Variants in MACROD2 observed in about 807,000 individuals in gnomAD.
MACROD2 encodes mono-ADP ribosylhydrolase 2.
Under a neutral mutation model 70.4 loss-of-function variants are expected in MACROD2, and 36 were observed. That is an observed-to-expected ratio of 0.51 (90% CI 0.39 to 0.68). The LOEUF is 0.68. Among genes scored for constraint, MACROD2 ranks in the 30% least tolerant of loss-of-function variants. The pLI is 0.00. For synonymous variants in MACROD2, 172 were observed against 178.8 expected, an observed-to-expected ratio of 0.96 and a Z score of 0.30; for missense variants, 496 against 538.4, an observed-to-expected ratio of 0.92 and a Z score of 0.78.
chr20:14,525,309 T>G (rs2085218842), intron 4 of MACROD2, among the ~76,000 whole-genome samples: 1 of 152,220 alleles, frequency 6.6e-6, no homozygotes, highest in Non-Finnish European at 1.5e-5. Flanking sequence ...TTTTGCTAGT[T>G]CTCATTTGAA....
At chr20:15,950,330 C>G (rs756753061) in intron 12 of MACROD2, among the ~76,000 whole-genome samples, 14 of 152,132 alleles carry the variant, frequency 9.2e-5, no homozygotes, top group Non-Finnish European at 2.1e-4. Context: ...GGACTGTACT[C>G]AGGGCAGGTG....
intron 5 of MACROD2, among the ~76,000 whole-genome samples, chr20:14,871,717 C>T (rs1390077296): frequency 6.6e-6 from 1 of 152,010 alleles, no homozygotes; most frequent in Non-Finnish European, 1.5e-5. Flanking sequence ...AATGAAAAGC[C>T]ACAGAGTGTC....
At chr20:14,250,257 T>C (rs188313004) in intron 3 of MACROD2, among the ~76,000 whole-genome samples, 16 of 152,274 alleles carry the variant, frequency 1.1e-4, no homozygotes, top group Admixed American at 7.8e-4. Context: ...AAAGGAACTA[T>C]GTAAATAATT....
At chr20:15,272,944 GA>G (rs1392779882) in intron 6 of MACROD2, among the ~76,000 whole-genome samples, 2 of 152,182 alleles carry the variant, frequency 1.3e-5, no homozygotes, top group Admixed American at 1.3e-4. Context: ...TTGGCAGGAA[GA>G]ATTACGTTTG....
Position 14,684,921 on chromosome 20 carries a change from A to G in MACROD2, c.380A>G (p.His127Arg), listed in dbSNP as rs750520563. The change falls in exon 5 of 18, where the codon CAT becomes CGT. Residue 127 changes from histidine to arginine, a missense_variant. Coordinates refer to ENST00000684519, the MANE Select transcript of MACROD2 (RefSeq NM_001351661.2). ...CRNLNGCDTG[H>R]AKITCGYDLP... is the part of the protein sequence containing the mutation. ...AACCTGAATGGCTGTGATACTGGAC[A>G]TGCAAAAATCACATGTGGCTATGAC... The G allele has an allele frequency of 3.1e-6, 5 of 1,614,026 alleles. No homozygotes were observed. The highest frequency in any genetic ancestry group is 4.2e-6 in the Non-Finnish European group (5 of 1,179,918).
chr20:14,287,179 T>C (rs1340459426), intron 3 of MACROD2, among the ~76,000 whole-genome samples: 1 of 152,148 alleles, frequency 6.6e-6, no homozygotes, highest in African/African-American at 2.4e-5. Flanking sequence ...AGGCAAATTC[T>C]TAGAATGGAG....
At chr20:15,442,533 C>T (rs983930647) in intron 7 of MACROD2, among the ~76,000 whole-genome samples, 1 of 152,060 alleles carries the variant, frequency 6.6e-6, no homozygotes, top group African/African-American at 2.4e-5. Context: ...GGCAAGCACA[C>T]CCTCTGTCTA....
chr20:14,030,478 G>A (rs115978868), intron 2 of MACROD2, among the ~76,000 whole-genome samples: 1 of 151,804 alleles, frequency 6.6e-6, no homozygotes. Flanking sequence ...GCGTGATTTC[G>A]GCTAGCTGCA....
At chr20:14,823,172 G>A (rs368745600) in intron 5 of MACROD2, among the ~76,000 whole-genome samples, 192 of 152,032 alleles carry the variant, frequency 1.3e-3, no homozygotes, top group African/African-American at 4.4e-3. Context: ...TGGGATTCTA[G>A]GTCGTGTATA....
chr20:15,262,953 T>C (rs1464902186), intron 6 of MACROD2, among the ~76,000 whole-genome samples: 4 of 152,168 alleles, frequency 2.6e-5, no homozygotes, highest in Admixed American at 6.5e-5. Context: ...CTTTGTCAGA[T>C]GGATAGCTTG....
chr20:15,944,174 G>C lies in MACROD2; in HGVS notation c.907+6630G>C, dbSNP rs1270867261. Among the ~76,000 whole-genome samples the C allele has an allele frequency of 2.6e-5, 4 of 152,218 alleles. No homozygotes were observed. The South Asian group carries it at 8.3e-4, about 32-fold the overall frequency. ...AAATCTTTGTGCATATCTATGATCA[G>C]TTCCTCAGGACAAATTCCTGGATTT... On this transcript the variant is annotated intron_variant, in intron 12 of 17. Transcript: ENST00000684519.
chr20:15,035,713 G>A (rs2075307581), intron 5 of MACROD2, among the ~76,000 whole-genome samples: 1 of 152,100 alleles, frequency 6.6e-6, no homozygotes, highest in Admixed American at 6.5e-5. Context: ...GGAAGATGTG[G>A]GCAGTTCATT....
Position 15,049,675 on chromosome 20 carries a change from C to T in MACROD2, c.419-180265C>T, listed in dbSNP as rs552852973. Among the ~76,000 whole-genome samples, 15 of 152,170 alleles carry T rather than the reference C, an allele frequency of 9.9e-5. No individual in the cohort carries two copies. The East Asian group carries it at 1.5e-3, about 16-fold the overall frequency. On this transcript the variant is annotated intron_variant, in intron 5 of 17. Transcript: ENST00000684519. ...AAGAATATAGCTACATGACCGGGTG[C>T]GTTGGCTCATGCCTGTAATCCCAGC...
intron 5 of MACROD2, among the ~76,000 whole-genome samples, chr20:15,147,531 ATCTC>A (rs11468117): frequency 0.59 from 88,965 of 151,044 alleles, 26,295 homozygotes; most frequent in East Asian, 0.65. Flanking sequence ...CTTTCTAGCA[ATCTC>A]TCTCTCTATG....
intron 7 of MACROD2, among the ~76,000 whole-genome samples, chr20:15,451,442 AAG>A (rs1221680856): frequency 6.7e-5 from 10 of 150,054 alleles, no homozygotes; most frequent in Admixed American, 3.3e-4. Context: ...AAAAAAAAAA[AAG>A]AGTCACCTTT....
intron 10 of MACROD2, among the ~76,000 whole-genome samples, chr20:15,921,233 C>T (rs111380864): frequency 0.013 from 2,055 of 152,284 alleles, 46 homozygotes; most frequent in African/African-American, 0.046. Context: ...TTGTCTGCTC[C>T]AGCCGTACTA....
chr20:15,385,553 T>C (rs1300539292), intron 6 of MACROD2, among the ~76,000 whole-genome samples: 1 of 152,198 alleles, frequency 6.6e-6, no homozygotes, highest in Admixed American at 6.5e-5. Flanking sequence ...CTACGTGTTC[T>C]TGACGTTAGT....
At chr20:14,674,362 C>T (rs2070832985) in intron 4 of MACROD2, among the ~76,000 whole-genome samples, 1 of 152,124 alleles carries the variant, frequency 6.6e-6, no homozygotes, top group African/African-American at 2.4e-5. Flanking sequence ...CTAATGAATT[C>T]TTCCTTTCAA....
Position 15,873,978 on chromosome 20 carries a change from A to G in MACROD2, c.727+11152A>G, listed in dbSNP as rs188508125. Among the ~76,000 whole-genome samples the G allele has an allele frequency of 7.2e-4, 110 of 152,152 alleles. 1 individual carries two copies. In the East Asian group the frequency reaches 0.021, roughly 29 times the overall value. On this transcript the variant is annotated intron_variant, in intron 9 of 17. Coordinates refer to ENST00000684519, the MANE Select transcript of MACROD2 (RefSeq NM_001351661.2). ...AGTGCACAATGTGCAGGTTTGTTAC[A>G]TAGGTATACATGTGCCATGTTGGTT...
Sources: gnomAD v4.1 joint callset for allele counts (sites outside exome capture counted in the v4.1 genomes callset) on GRCh38, gnomAD v4.1.1 for gene constraint, MANE v1.5 for transcripts, NCBI Gene and HGNC (gene_info 2026-07-23, HGNC 2026-07-21) for gene names.